Variants in PLPP1 observed in about 807,000 individuals in gnomAD.
PLPP1 encodes lipid phosphate phosphohydrolase 1a.
Under a neutral mutation model 31.2 loss-of-function variants are expected in PLPP1, and 24 were observed. The ratio of observed to expected loss-of-function variants is 0.77; its 90% CI spans 0.56 to 1.08. The LOEUF (loss-of-function observed/expected upper bound fraction) is 1.08. PLPP1 is among the 50% of genes least tolerant of loss of function. PLPP1 has a pLI of 0.00. For synonymous variants in PLPP1, 146 were observed against 126.3 expected, an observed-to-expected ratio of 1.16 and a Z score of -1.05; for missense variants, 319 against 342.7, an observed-to-expected ratio of 0.93 and a Z score of 0.55.
chr5:55,477,814 T>C (rs1250841804), intron 1 of PLPP1, among the ~76,000 whole-genome samples: 1 of 152,098 alleles, frequency 6.6e-6, no homozygotes, highest in Non-Finnish European at 1.5e-5. Context: ...GAATAGTATA[T>C]TTAGTATAGA....
intron 2 of PLPP1, chr5:55,468,355 C>CG (rs1752349768): frequency 2.2e-6 from 1 of 462,692 alleles, no homozygotes; most frequent in African/African-American, 2.0e-5. Flanking sequence ...CAATGGTGGA[C>CG]ATTACTTACA....
At chr5:55,488,392 T>C (rs1040713696) in intron 1 of PLPP1, among the ~76,000 whole-genome samples, 71 of 152,142 alleles carry the variant, frequency 4.7e-4, no homozygotes, top group African/African-American at 1.6e-3. Flanking sequence ...ATGCCTGTAA[T>C]CTCAGCACTT....
intron 3 of PLPP1, among the ~76,000 whole-genome samples, chr5:55,462,221 A>G (rs1752180605): frequency 6.6e-6 from 1 of 152,228 alleles, no homozygotes; most frequent in Non-Finnish European, 1.5e-5. Context: ...AGAAGGACAA[A>G]GTTAAAAGCT....
chr5:55,530,602 T>C, intron 1 of PLPP1: 3 of 1,421,724 alleles, frequency 2.1e-6, no homozygotes, highest in East Asian at 2.3e-5. Context: ...TGAAGTCTCA[T>C]GCGATAGAAT....
At chr5:55,470,502 A>G (rs536226450) in intron 2 of PLPP1, among the ~76,000 whole-genome samples, 93 of 152,352 alleles carry the variant, frequency 6.1e-4, no homozygotes, top group African/African-American at 2.2e-3. Context: ...CTGGGCACAG[A>G]TTAAAAGCTG....
intron 3 of PLPP1, among the ~76,000 whole-genome samples, chr5:55,449,670 T>C (rs188714456): frequency 6.6e-6 from 1 of 152,310 alleles, no homozygotes; most frequent in East Asian, 1.9e-4. Flanking sequence ...ACAATATACA[T>C]ATAATTTAAA....
Position 55,515,355 on chromosome 5 carries a change from G to T in PLPP1, c.58+19217C>A, listed in dbSNP as rs573048446. ...ATGTTTCAGCTGATATCCCTAACAG[G>T]TCCTCCTCCTATCCTCCTCAGAGAT... On this transcript the variant is annotated intron_variant, in intron 1 of 5. Transcript: ENST00000307259. Among the ~76,000 whole-genome samples, 49 of 152,264 alleles carry T rather than the reference G, an allele frequency of 3.2e-4. No homozygotes were observed. The South Asian group carries it at 9.5e-3, about 30-fold the overall frequency.
At chr5:55,493,768 T>G (rs997271923) in intron 1 of PLPP1, among the ~76,000 whole-genome samples, 1 of 151,234 alleles carries the variant, frequency 6.6e-6, no homozygotes, top group Non-Finnish European at 1.5e-5. Context: ...TAGTCCCAAC[T>G]ACTTGGAAGG....
chr5:55,471,878 G>C (rs1429020558), intron 2 of PLPP1, among the ~76,000 whole-genome samples: 1 of 152,122 alleles, frequency 6.6e-6, no homozygotes, highest in Non-Finnish European at 1.5e-5. Context: ...CAGCACTTTG[G>C]GATGTTGAGG....
intron 1 of PLPP1, among the ~76,000 whole-genome samples, chr5:55,488,511 T>C (rs1424945840): frequency 6.6e-6 from 1 of 151,842 alleles, no homozygotes; most frequent in Non-Finnish European, 1.5e-5. Context: ...CCAGGTGTGG[T>C]TGTGTGTGCC....
intron 4 of PLPP1, among the ~76,000 whole-genome samples, chr5:55,427,523 G>A (rs1751235411): frequency 6.6e-6 from 1 of 152,104 alleles, no homozygotes; most frequent in Non-Finnish European, 1.5e-5. Flanking sequence ...CTCTAGAATG[G>A]ACTTAAGCTA....
chr5:55,492,085 G>A (rs1416798763), intron 1 of PLPP1, among the ~76,000 whole-genome samples: 1 of 151,954 alleles, frequency 6.6e-6, no homozygotes, highest in East Asian at 1.9e-4. Context: ...AAATGACCCT[G>A]AAAGACCAAA....
rs753276317 is a variant in PLPP1 at position 55,445,535 on chromosome 5, C to CT, written c.492-3628dup. Among the ~76,000 whole-genome samples the CT allele has an allele frequency of 3.6e-3, 289 of 79,640 alleles. 26 individuals carry two copies. The highest frequency in any genetic ancestry group is 0.022 in the East Asian group (57 of 2,630). 52.2% of individuals were successfully genotyped at this position (79,640 alleles called of 152,430 possible). On this transcript the variant is annotated intron_variant, in intron 3 of 5. Transcript: ENST00000307259. ...GAAATATCTTTATTTTGCATTCACTCTTTTTTTTTTTTTTTTTTTTTTTTT... is the reference window on the plus strand; with the variant it reads ...GAAATATCTTTATTTTGCATTCACTCTTTTTTTTTTTTTTTTTTTTTTTTTT...
At chr5:55,429,440 G>A (rs1344080802) in intron 4 of PLPP1, among the ~76,000 whole-genome samples, 3 of 152,072 alleles carry the variant, frequency 2.0e-5, no homozygotes, top group African/African-American at 7.2e-5. Flanking sequence ...GGGATTGGTT[G>A]GGGAGGCTCC....
chr5:55,473,355 C>A (rs185896965), intron 2 of PLPP1, among the ~76,000 whole-genome samples: 1 of 152,268 alleles, frequency 6.6e-6, no homozygotes, highest in Non-Finnish European at 1.5e-5. Context: ...ATGCTGGGCT[C>A]CATGCCAGGC....
chr5:55,500,246 A>T (rs1291648748), intron 1 of PLPP1, among the ~76,000 whole-genome samples: 1 of 151,826 alleles, frequency 6.6e-6, no homozygotes, highest in African/African-American at 2.4e-5. Flanking sequence ...CGCCCAGCTA[A>T]TTTTTTGTAT....
intron 2 of PLPP1, among the ~76,000 whole-genome samples, chr5:55,471,208 T>C (rs2111797117): frequency 6.6e-6 from 1 of 151,922 alleles, no homozygotes; most frequent in African/African-American, 2.4e-5. Context: ...TCAGATTTTT[T>C]TTTTTTTTTT....
At position 55,425,881 on chromosome 5, in the gene PLPP1, A is replaced by G; in HGVS notation, c.708T>C (p.Ala236=). The change falls in exon 5 of 6, where the codon GCT becomes GCC. Residue 236 remains alanine (A), a synonymous_variant. Transcript: ENST00000307259. ...SDVLTGLIQG[A]LVAILVAVYV... ...TACTTACAACTAATATTGCAACCAGAGCTCCCTGAATGAGTCCAGTCAACA... is the reference window on the plus strand; with the variant it reads ...TACTTACAACTAATATTGCAACCAGGGCTCCCTGAATGAGTCCAGTCAACA... 1 of 1,607,480 alleles carries G rather than the reference A, an allele frequency of 6.2e-7. No individual in the cohort carries two copies. Among genetic ancestry groups the G allele is most frequent in the South Asian group, 1.1e-5 (1 of 89,308 alleles).
chr5:55,534,216 C>T (rs1027855587), intron 1 of PLPP1, among the ~76,000 whole-genome samples: 3 of 152,220 alleles, frequency 2.0e-5, no homozygotes, highest in African/African-American at 7.2e-5. Flanking sequence ...AGTTTCACTA[C>T]TGAGATGGGC....
Sources: allele counts gnomAD v4.1 joint callset (sites outside exome capture counted in the v4.1 genomes callset), GRCh38; gene constraint gnomAD v4.1.1; transcripts MANE v1.5; gene names NCBI Gene and HGNC (gene_info 2026-07-23, HGNC 2026-07-21).